PCDHGA4: variants seen among roughly 807,000 people sequenced by gnomAD.
The protein encoded by PCDHGA4 is protocadherin gamma subfamily A, 4.
PCDHGA4 carries 38 observed loss-of-function variants against 54.6 expected under a neutral mutation model. The ratio of observed to expected loss-of-function variants is 0.70; its 90% CI spans 0.54 to 0.91. PCDHGA4 has a LOEUF of 0.91. Ranked by LOEUF, PCDHGA4 falls within the 40% of genes least tolerant of loss-of-function variation. The pLI is 0.00. For missense variants in PCDHGA4, 1,298 were observed against 1,220.9 expected, an observed-to-expected ratio of 1.06 and a Z score of -0.94; for synonymous variants, 511 against 512.9, an observed-to-expected ratio of 1.00 and a Z score of 0.05.
intron 3 of PCDHGA4, among the ~76,000 whole-genome samples, chr5:141,509,450 C>A (rs2099876883): frequency 6.6e-6 from 1 of 152,128 alleles, no homozygotes; most frequent in Non-Finnish European, 1.5e-5. Context: ...CCTCTCCCAC[C>A]CCCGACCCAG....
intron 1 of PCDHGA4, chr5:141,374,688 G>A (rs750510871): frequency 3.1e-6 from 5 of 1,609,528 alleles, no homozygotes; most frequent in East Asian, 2.2e-5. Context: ...ACACTGGACC[G>A]GGAAGGAGAA....
intron 1 of PCDHGA4, chr5:141,366,321 T>G (rs752863239): frequency 6.2e-7 from 1 of 1,613,820 alleles, no homozygotes; most frequent in Non-Finnish European, 8.5e-7. Flanking sequence ...ACCGTTGCCG[T>G]GGCCGACAGG....
In PCDHGA4 at chr5:141,487,161, T is replaced by G; in HGVS notation, c.2515-7646T>G. ...CTCTCTACCTCTGTTACTCTCTTAGTGTCCTTAGAGGAAGACACTCATCCA... is the reference window on the plus strand; with the variant it reads ...CTCTCTACCTCTGTTACTCTCTTAGGGTCCTTAGAGGAAGACACTCATCCA... On this transcript the variant is annotated intron_variant, in intron 1 of 3. Transcript: ENST00000571252. The surrounding 1 kb of genome is among the most constrained non-coding windows in gnomAD (Gnocchi z 5.0). The G allele has an allele frequency of 6.2e-7, 1 of 1,613,528 alleles. No individual in the cohort carries two copies. The highest frequency in any genetic ancestry group is 1.1e-5 in the South Asian group (1 of 91,072).
chr5:141,400,050 T>C (rs2093950243), intron 1 of PCDHGA4: 2 of 1,613,616 alleles, frequency 1.2e-6, no homozygotes, highest in Non-Finnish European at 1.7e-6. Flanking sequence ...TGCTGGTTGC[T>C]GTGCGTGATG....
At chr5:141,467,495 C>T (rs1161557245) in intron 1 of PCDHGA4, among the ~76,000 whole-genome samples, 1 of 152,140 alleles carries the variant, frequency 6.6e-6, no homozygotes, top group Non-Finnish European at 1.5e-5. Context: ...ATTTAGATCC[C>T]TGATCTAATT....
At chr5:141,370,903 A>C (rs1767302300) in intron 1 of PCDHGA4, 20 of 1,614,048 alleles carry the variant, frequency 1.2e-5, no homozygotes, top group Non-Finnish European at 1.5e-5. Context: ...CTGCAGCAGT[A>C]CTACCTCAGC....
chr5:141,495,873 C>G (rs2099764359), intron 2 of PCDHGA4, among the ~76,000 whole-genome samples: 1 of 152,146 alleles, frequency 6.6e-6, no homozygotes, highest in Admixed American at 6.6e-5. Flanking sequence ...CTGCTTTCCT[C>G]TCTGTTCTTT....
rs776549222 is a variant in PCDHGA4, at chr5:141,357,551, G to C, written c.2444G>C (p.Ser815Thr). The C allele has an allele frequency of 9.3e-6, 15 of 1,614,124 alleles. No individual in the cohort carries two copies. In the East Asian group the frequency reaches 2.2e-4, roughly 24 times the overall value. ...GCAGACACGCTCATCAGCCGGGAGA[G>C]TTGTGAGAAAAGCGAGCCTCTTCTG... ...SYADTLISRE[S>T]CEKSEPLLIT... Residue 815 changes from serine to threonine, a missense_variant, in exon 1 of 4, where the codon AGT becomes ACT. Physicochemically the swap from Ser to Thr is moderately conservative, Grantham distance 58. Transcript: ENST00000571252.
chr5:141,372,918 G>C (rs1350578389), intron 1 of PCDHGA4: 1 of 1,022,894 alleles, frequency 9.8e-7, no homozygotes, highest in African/African-American at 1.6e-5. Context: ...TTATTTTATT[G>C]ATTTTCTGGT....
chr5:141,404,610 T>C lies in PCDHGA4; in HGVS notation c.2514+46989T>C, dbSNP rs1207198913. ...AATGTGTCATTGAGACTGTTTGTTTTGGACCAGAATGACAATGCCCCAGAA... is the reference window on the plus strand; with the variant it reads ...AATGTGTCATTGAGACTGTTTGTTTCGGACCAGAATGACAATGCCCCAGAA... On this transcript the variant is annotated intron_variant, in intron 1 of 3. Transcript: ENST00000571252. 1 of 1,614,130 alleles carries C rather than the reference T, an allele frequency of 6.2e-7. No homozygotes were observed. Among genetic ancestry groups the C allele is most frequent in the African/African-American group, 1.3e-5 (1 of 75,054 alleles).
intron 1 of PCDHGA4, among the ~76,000 whole-genome samples, chr5:141,460,135 T>G (rs2098983196): frequency 6.6e-6 from 1 of 152,044 alleles, no homozygotes; most frequent in South Asian, 2.1e-4. Flanking sequence ...ATATATATAT[T>G]CTTGATGTGA....
Position 141,365,921 on chromosome 5 carries a change from T to C in PCDHGA4, c.2514+8300T>C. ...TGAGCAGTTGAGAGACCTACAGTTG[T>C]GGGTGACAGCCAGCGACAGTGGGAA... On this transcript the variant is annotated intron_variant, in intron 1 of 3. Transcript: ENST00000571252. The C allele has an allele frequency of 3.7e-6, 6 of 1,614,192 alleles. No individual in the cohort carries two copies. In the South Asian group the frequency reaches 5.5e-5, roughly 15 times the overall value.
chr5:141,504,379 G>T (rs181617363), intron 2 of PCDHGA4, among the ~76,000 whole-genome samples: 1 of 152,088 alleles, frequency 6.6e-6, no homozygotes, highest in African/African-American at 2.4e-5. Context: ...AGGTGGAGTC[G>T]CTGCCTCACA....
intron 1 of PCDHGA4, chr5:141,373,926 G>A: frequency 1.5e-6 from 1 of 662,052 alleles, no homozygotes; most frequent in Non-Finnish European, 2.3e-6. Flanking sequence ...AAATTAGACG[G>A]GAAAGCAGGA....
intron 1 of PCDHGA4, chr5:141,400,209 G>C: frequency 3.1e-6 from 5 of 1,614,052 alleles, no homozygotes; most frequent in Non-Finnish European, 4.2e-6. Context: ...CCTTGGCCTT[G>C]ATCTCAGTGC....
Position 141,491,573 on chromosome 5 carries a change from T to G in PCDHGA4, c.2515-3234T>G. The G allele has an allele frequency of 6.2e-7, 1 of 1,613,912 alleles. No individual in the cohort carries two copies. The highest frequency in any genetic ancestry group is 8.5e-7 in the Non-Finnish European group (1 of 1,180,030). The stretch of plus-strand genomic sequence containing the variant: ...CAGAGCCACTGCTACAGGACGTGCT[T>G]TTCACCGGCCTCGGACGGCAGTGAC... On this transcript the variant is annotated intron_variant, in intron 1 of 3. Transcript: ENST00000571252. The surrounding 1 kb of genome is among the most constrained non-coding windows in gnomAD (Gnocchi z 6.9).
intron 1 of PCDHGA4, chr5:141,423,165 C>T (rs1307049367): frequency 6.8e-6 from 11 of 1,613,434 alleles, no homozygotes; most frequent in Admixed American, 3.3e-5. Context: ...TCGTGGTGGC[C>T]GTCCAGGACC....
chr5:141,418,247 G>A, intron 1 of PCDHGA4: 1 of 1,614,032 alleles, frequency 6.2e-7, no homozygotes, highest in Non-Finnish European at 8.5e-7. Context: ...TAATGACCAC[G>A]CCCCTCAATT....
intron 1 of PCDHGA4, chr5:141,419,158 C>T (rs757849297): frequency 5.0e-6 from 8 of 1,613,950 alleles, no homozygotes; most frequent in Admixed American, 1.7e-5. Context: ...CTCCGTTATC[C>T]TCCAGCAAAA....
Sources: gnomAD v4.1 joint callset for allele counts (sites outside exome capture counted in the v4.1 genomes callset) on GRCh38, gnomAD v4.1.1 for gene constraint, Gnocchi (gnomAD v3.1) non-coding constraint, MANE v1.5 for transcripts, NCBI Gene and HGNC (gene_info 2026-07-23, HGNC 2026-07-21) for gene names.